CD38: variants seen among roughly 807,000 people sequenced by gnomAD.
CD38 encodes ADP-ribosyl cyclase/cyclic ADP-ribose hydrolase 1.
A neutral mutation model predicts 36.3 loss-of-function variants in CD38; 31 were observed. The observed-to-expected ratio is 0.85, with a 90% CI of 0.64 to 1.15. The LOEUF (loss-of-function observed/expected upper bound fraction) is 1.15, where lower values mean the gene tolerates loss of function less well. CD38 is among the 50% of genes most tolerant of loss of function. CD38 has a pLI of 0.00. For missense variants in CD38, 380 were observed against 371.9 expected (o/e 1.02, Z -0.18); for synonymous variants, 131 against 135.2 (o/e 0.97, Z 0.22).
intron 3 of CD38, among the ~76,000 whole-genome samples, chr4:15,827,400 C>A (rs923144681): frequency 1.3e-5 from 2 of 152,068 alleles, no homozygotes. Flanking sequence ...TTAAAAAGAT[C>A]TTCTTAGAGA....
In CD38 at chr4:15,849,569, TATACA is replaced by T. The variant is rs2148930477; in HGVS notation, c.*968_*972del. On this transcript the variant is annotated 3_prime_UTR_variant, in exon 8 of 8. Coordinates refer to ENST00000226279, the MANE Select transcript of CD38 (RefSeq NM_001775.4). Reference sequence around the variant, plus strand: ...CATGCTCAGTGTTTTATATATGTAGTATACAGTTAAAATATACTTGTTGCTGGTAC... The same window carrying T: ...CATGCTCAGTGTTTTATATATGTAGTGTTAAAATATACTTGTTGCTGGTAC... 6.6e-6 allele frequency: 1 copy of T among 152,374 alleles called. No individual in the cohort carries two copies. The highest frequency in any genetic ancestry group is 2.4e-5 in the African/African-American group (1 of 41,584). 9.4% of individuals were successfully genotyped at this position (152,374 alleles called of 1,614,324 possible). A position where few individuals can be genotyped will look rare whatever the true frequency, so the allele number is the denominator to read the frequency against.
intron 1 of CD38, among the ~76,000 whole-genome samples, chr4:15,792,719 C>T (rs1723031064): frequency 6.6e-6 from 1 of 152,102 alleles, no homozygotes. Context: ...ATCTCTAAAT[C>T]TTTCAGTCTG....
intron 3 of CD38, among the ~76,000 whole-genome samples, chr4:15,826,331 A>C (rs2148924905): frequency 6.6e-6 from 1 of 152,264 alleles, no homozygotes; most frequent in South Asian, 2.1e-4. Flanking sequence ...TATTCACTTA[A>C]AATTGGTAGG....
intron 1 of CD38, among the ~76,000 whole-genome samples, chr4:15,788,432 C>T (rs1722888410): frequency 1.3e-5 from 2 of 152,108 alleles, no homozygotes; most frequent in Non-Finnish European, 2.9e-5. Flanking sequence ...CATGCACCTT[C>T]AGTCCTGGGA....
Position 15,814,812 on chromosome 4 carries a change from G to GT in CD38, c.234-1687dup, listed in dbSNP as rs566976363. Among the ~76,000 whole-genome samples, 269 of 112,538 alleles carry GT rather than the reference G, an allele frequency of 2.4e-3. 1 individual carries two copies. Among genetic ancestry groups the GT allele is most frequent in the South Asian group, 3.4e-3 (13 of 3,818 alleles). 73.8% of individuals were successfully genotyped at this position (112,538 alleles called of 152,430 possible). On this transcript the variant is annotated intron_variant, in intron 1 of 7. Transcript: ENST00000226279. ...TTTTGTTTTTTGTTTTTTGTTTTTT[G>GT]TTTTTTTTTTTTGAGATGAGATCTC...
intron 2 of CD38, among the ~76,000 whole-genome samples, chr4:15,824,595 A>G (rs1443102805): frequency 2.6e-5 from 4 of 152,048 alleles, no homozygotes; most frequent in African/African-American, 9.7e-5. Context: ...ATGTGATCCT[A>G]TGTTGATTAT....
At chr4:15,805,986 G>A (rs1306042991) in intron 1 of CD38, among the ~76,000 whole-genome samples, 1 of 152,090 alleles carries the variant, frequency 6.6e-6, no homozygotes, top group Non-Finnish European at 1.5e-5. Context: ...GGATTTAGGG[G>A]GTGAGAGTTT....
At chr4:15,803,099 A>G (rs1304025852) in intron 1 of CD38, among the ~76,000 whole-genome samples, 1 of 152,238 alleles carries the variant, frequency 6.6e-6, no homozygotes, top group African/African-American at 2.4e-5. Flanking sequence ...CATATGCAGA[A>G]GAATGAAACT....
intron 2 of CD38, among the ~76,000 whole-genome samples, chr4:15,822,014 C>G (rs1723747271): frequency 6.6e-6 from 1 of 152,158 alleles, no homozygotes; most frequent in Non-Finnish European, 1.5e-5. Context: ...TGGCTTCATC[C>G]TCAGGATGCA....
intron 1 of CD38, among the ~76,000 whole-genome samples, chr4:15,804,803 A>C (rs1352387721): frequency 2.0e-5 from 3 of 152,152 alleles, no homozygotes; most frequent in Non-Finnish European, 2.9e-5. Flanking sequence ...TGAATACAAA[A>C]TTATATATAT....
Position 15,778,670 on chromosome 4 carries a change from C to A in CD38, c.233+23C>A. The A allele has an allele frequency of 6.6e-7, 1 of 1,518,774 alleles. No homozygotes were observed. The highest frequency in any genetic ancestry group is 9.1e-7 in the Non-Finnish European group (1 of 1,095,020). 94.1% of individuals were successfully genotyped at this position (1,518,774 alleles called of 1,614,324 possible). ...GAGGTGGGTTGGCGACTAAGGCGCA[C>A]CGGTGGGCACTGCGGGGACAGCAGG... On this transcript the variant is annotated intron_variant, in intron 1 of 7. Transcript: ENST00000226279. The surrounding 1 kb of genome is among the most constrained non-coding windows in gnomAD (Gnocchi z 4.9).
At chr4:15,803,951 C>G (rs1189261498) in intron 1 of CD38, among the ~76,000 whole-genome samples, 2 of 152,170 alleles carry the variant, frequency 1.3e-5, no homozygotes, top group Non-Finnish European at 2.9e-5. Context: ...TGGCCTCCAG[C>G]TGCATTCATG....
At chr4:15,833,941 G>T (rs1355282955) in intron 3 of CD38, among the ~76,000 whole-genome samples, 1 of 152,196 alleles carries the variant, frequency 6.6e-6, no homozygotes, top group East Asian at 1.9e-4. Flanking sequence ...TAGAGGGCTT[G>T]TCTCTGTCAG....
intron 1 of CD38, among the ~76,000 whole-genome samples, chr4:15,787,217 G>A (rs1003927251): frequency 9.9e-5 from 15 of 152,280 alleles, no homozygotes; most frequent in African/African-American, 3.6e-4. Context: ...GAGGCCGGGG[G>A]GCACTGAGAG....
At chr4:15,843,301 A>G (rs1248743677) in intron 7 of CD38, among the ~76,000 whole-genome samples, 2 of 71,710 alleles carry the variant, frequency 2.8e-5, no homozygotes, top group Non-Finnish European at 5.1e-5. Flanking sequence ...TTTCATATCC[A>G]GCCAAACTAA....
At chr4:15,799,384 G>A (rs1723168986) in intron 1 of CD38, among the ~76,000 whole-genome samples, 1 of 152,142 alleles carries the variant, frequency 6.6e-6, no homozygotes, top group African/African-American at 2.4e-5. Flanking sequence ...CTATACCACT[G>A]CCACGTTGTT....
intron 1 of CD38, among the ~76,000 whole-genome samples, chr4:15,797,615 T>C (rs990918237): frequency 6.6e-6 from 1 of 152,180 alleles, no homozygotes; most frequent in Non-Finnish European, 1.5e-5. Context: ...TTGTACTGTC[T>C]CACAGTTCTG....
intron 1 of CD38, among the ~76,000 whole-genome samples, chr4:15,814,807 TTTTTG>T: frequency 7.1e-6 from 1 of 141,424 alleles, no homozygotes. Flanking sequence ...TGTTTTTTGT[TTTTTG>T]TTTTTTTTTT....
At chr4:15,799,718 A>G (rs967726082) in intron 1 of CD38, among the ~76,000 whole-genome samples, 1 of 152,232 alleles carries the variant, frequency 6.6e-6, no homozygotes, top group Non-Finnish European at 1.5e-5. Context: ...TTGTATGGAC[A>G]TACTGACAGA....
Sources: allele counts gnomAD v4.1 joint callset (sites outside exome capture counted in the v4.1 genomes callset), GRCh38; gene constraint gnomAD v4.1.1; non-coding constraint Gnocchi (gnomAD v3.1); transcripts MANE v1.5; gene names NCBI Gene and HGNC (gene_info 2026-07-23, HGNC 2026-07-21).